The following MYO7A variants were observed in gnomAD, a reference collection of about 807,000 sequenced individuals.
The protein encoded by MYO7A is myosin VIIA.
MYO7A carries 210 observed loss-of-function variants against 263.8 expected under a neutral mutation model. That is an observed-to-expected ratio of 0.80 (90% CI 0.71 to 0.89). MYO7A has a LOEUF of 0.89. Ranked by LOEUF, MYO7A falls within the 40% of genes least tolerant of loss-of-function variation. The pLI, the probability that MYO7A is intolerant of heterozygous loss-of-function variation, is 0.00. For missense variants in MYO7A, 2,820 were observed against 2,968.3 expected, an observed-to-expected ratio of 0.95 and a Z score of 1.16; for synonymous variants, 1,239 against 1,197.3, an observed-to-expected ratio of 1.03 and a Z score of -0.72.
chr11:77,146,016 G>T (rs1014283565), intron 3 of MYO7A, among the ~76,000 whole-genome samples: 10 of 152,228 alleles, frequency 6.6e-5, no homozygotes, highest in African/African-American at 2.4e-4. Context: ...CCCGGCCCCT[G>T]TGTGAGGCAC....
intron 30 of MYO7A, 77 bp downstream of exon 30, chr11:77,190,947 A>G (rs2135564997): frequency 1.4e-6 from 2 of 1,426,670 alleles, no homozygotes; most frequent in South Asian, 1.4e-5. Context: ...GCTGCCACCT[A>G]CTTGCCGGGG....
intron 4 of MYO7A, among the ~76,000 whole-genome samples, chr11:77,148,190 G>A (rs1425196250): frequency 6.6e-6 from 1 of 152,216 alleles, no homozygotes; most frequent in Admixed American, 6.5e-5. Flanking sequence ...GGTGGGGAGC[G>A]GTTTGTACTA....
Position 77,168,274 on chromosome 11 carries a change from G to A in MYO7A, c.1797+2112G>A, listed in dbSNP as rs545561753. ...TAGAACCCACTTACTGAGAAATCAT[G>A]GAGAGGTCAAAGTGCAGGAGCCCAG... On this transcript the variant is annotated intron_variant, in intron 15 of 48. Coordinates refer to ENST00000409709, the MANE Select transcript of MYO7A (RefSeq NM_000260.4). 3.3e-5 allele frequency among the ~76,000 whole-genome samples: 5 copies of A among 152,304 alleles called. 1 individual carries two copies. The highest frequency in any genetic ancestry group is 3.3e-4 in the Admixed American group (5 of 15,298).
chr11:77,158,074 A>G (rs1043340491), intron 8 of MYO7A, among the ~76,000 whole-genome samples: 1 of 152,102 alleles, frequency 6.6e-6, no homozygotes, highest in Non-Finnish European at 1.5e-5. Context: ...GTGGAGAATG[A>G]GTTCCTGGGA....
rs541066953 is a variant in MYO7A at position 77,192,042 on chromosome 11, T to C, written c.3925-9T>C. 6.2e-7 allele frequency: 1 copy of C among 1,610,230 alleles called. No individual in the cohort carries two copies. Among genetic ancestry groups the C allele is most frequent in the East Asian group, 2.2e-5 (1 of 44,808 alleles). ...TCTGTGCCTGCTCCCCTCCCCTCTG[T>C]GCCCACAGGTGTCCTCCCTGGGCAG... On this transcript the variant is annotated splice_polypyrimidine_tract_variant and intron_variant, in intron 30 of 48. Transcript: ENST00000409709.
At position 77,204,186 on chromosome 11, in the gene MYO7A, G is replaced by A. The variant is rs1314133712; in HGVS notation, c.5437G>A (p.Ala1813Thr). The A allele has an allele frequency of 1.3e-6, 2 of 1,585,000 alleles. No homozygotes were observed. Among genetic ancestry groups the A allele is most frequent in the Non-Finnish European group, 1.7e-6 (2 of 1,166,018 alleles). ...PLKAEPLKDE[A>T]YVQILKQLTD... Reference sequence around the variant, plus strand: ...GAAAGCCGAGCCCCTGAAGGACGAGGCATATGTGCAGATCCTGAAGCAGCT... The same window carrying A: ...GAAAGCCGAGCCCCTGAAGGACGAGACATATGTGCAGATCCTGAAGCAGCT... The change falls in exon 39 of 49, where the codon GCA (alanine) becomes ACA (threonine). Residue 1813 changes from alanine to threonine, a missense_variant. Ala to Thr is a moderately conservative substitution (Grantham distance 58). Coordinates refer to ENST00000409709, the MANE Select transcript of MYO7A (RefSeq NM_000260.4).
chr11:77,191,339 A>G (rs1956053924), intron 30 of MYO7A, among the ~76,000 whole-genome samples: 1 of 152,064 alleles, frequency 6.6e-6, no homozygotes, highest in Non-Finnish European at 1.5e-5. Flanking sequence ...AACAAACAAA[A>G]AACTGCTGAG....
At chr11:77,130,543 C>T in intron 1 of MYO7A, 46 bp from the exon 2 acceptor site, 1 of 1,502,122 alleles carries the variant, frequency 6.7e-7, no homozygotes, top group South Asian at 1.2e-5. Context: ...TCAAGGCTTC[C>T]AGGGCTGGCC....
Position 77,162,866 on chromosome 11 carries a change from C to G in MYO7A, c.1568C>G (p.Thr523Ser). Reference protein sequence around the residue: ...ESKFPKGTDTTMLHKLNSQHK... With the variant: ...ESKFPKGTDTSMLHKLNSQHK... ...TCCACTCCCCAGGGCACAGACACCA[C>G]CATGTTACACAAGCTGAACTCCCAG... Residue 523 changes from threonine (T) to serine (S), a missense_variant, in exon 14 of 49, where the codon ACC (threonine) becomes AGC (serine). Physicochemically the swap from Thr to Ser is moderately conservative, Grantham distance 58 (BLOSUM62 1). Transcript: ENST00000409709. 1 of 1,613,788 alleles carries G rather than the reference C, an allele frequency of 6.2e-7. No homozygotes were observed. Among genetic ancestry groups the G allele is most frequent in the Non-Finnish European group, 8.5e-7 (1 of 1,179,822 alleles).
intron 36 of MYO7A, 86 bp downstream of exon 36, chr11:77,201,724 G>C (rs542302733): frequency 7.3e-7 from 1 of 1,375,044 alleles, no homozygotes; most frequent in African/African-American, 1.4e-5. Flanking sequence ...ATAGGTTAAC[G>C]GTCTAGTGCA....
intron 2 of MYO7A, among the ~76,000 whole-genome samples, chr11:77,140,806 C>T (rs868931241): frequency 6.6e-6 from 1 of 152,180 alleles, no homozygotes; most frequent in East Asian, 1.9e-4. Flanking sequence ...TCTTCCACGC[C>T]CAAGCCTCTC....
At chr11:77,177,520 G>A (rs1555080657) in intron 18 of MYO7A, 29 bp from the exon 19 acceptor site, 2 of 1,571,232 alleles carry the variant, frequency 1.3e-6, no homozygotes, top group South Asian at 1.2e-5. Flanking sequence ...AGACCTTGTG[G>A]GGCGCTGCTC....
chr11:77,199,087 C>A (rs1037146593), intron 34 of MYO7A, among the ~76,000 whole-genome samples: 1 of 152,168 alleles, frequency 6.6e-6, no homozygotes, highest in Non-Finnish European at 1.5e-5. Context: ...CCCAGCAGTG[C>A]AGTGGCTCCC....
chr11:77,213,041 C>A lies in MYO7A; in HGVS notation c.6438+6C>A. Reference sequence around the variant, plus strand: ...TCATCGATCCCAAAACGAAGGTGAGCAGGGATAAGGCAGCAAGTGGGGGCG... The same window carrying A: ...TCATCGATCCCAAAACGAAGGTGAGAAGGGATAAGGCAGCAAGTGGGGGCG... On this transcript the variant is annotated splice_donor_region_variant and intron_variant, in intron 47 of 48. Coordinates refer to ENST00000409709, the MANE Select transcript of MYO7A (RefSeq NM_000260.4). The A allele has an allele frequency of 6.4e-7, 1 of 1,566,760 alleles. No homozygotes were observed. The highest frequency in any genetic ancestry group is 2.4e-5 in the East Asian group (1 of 42,398).
At position 77,190,829 on chromosome 11, in the gene MYO7A, G is replaced by T; in HGVS notation, c.3883G>T (p.Asp1295Tyr). ...NALADKISLK[D>Y]RFGFSLYIAL... is the part of the protein sequence containing the mutation. ...GCTGGCCGACAAGATCTCTCTCAAGGACCGGTTCGGGTTCTCCCTCTACAT... is the reference window on the plus strand; with the variant it reads ...GCTGGCCGACAAGATCTCTCTCAAGTACCGGTTCGGGTTCTCCCTCTACAT... Residue 1295 changes from aspartate (D) to tyrosine (Y), a missense_variant, in exon 30 of 49, where the codon GAC (aspartate) becomes TAC (tyrosine). By Grantham distance (160) the Asp-to-Tyr change is radical. Transcript: ENST00000409709. 1 of 1,588,284 alleles carries T rather than the reference G, an allele frequency of 6.3e-7. No individual in the cohort carries two copies. The highest frequency in any genetic ancestry group is 8.6e-7 in the Non-Finnish European group (1 of 1,167,782).
At chr11:77,193,646 G>C (rs901441241) in intron 31 of MYO7A, among the ~76,000 whole-genome samples, 9 of 152,026 alleles carry the variant, frequency 5.9e-5, no homozygotes, top group Admixed American at 5.2e-4. Flanking sequence ...AGCCACATCA[G>C]TTGCTAAAAT....
intron 20 of MYO7A, 135 bp from the exon 21 acceptor site, chr11:77,179,600 T>C (rs1379168708): frequency 2.2e-5 from 16 of 717,860 alleles, no homozygotes; most frequent in Non-Finnish European, 3.6e-5. Context: ...GGGGCACTAA[T>C]CTGAGAGGAG....
Position 77,182,093 on chromosome 11 carries a change from C to T in MYO7A, c.3047C>T (p.Ser1016Phe), listed in dbSNP as rs1396892515. 6.2e-7 allele frequency: 1 copy of T among 1,613,280 alleles called. No individual in the cohort carries two copies. Among genetic ancestry groups the T allele is most frequent in the African/African-American group, 1.3e-5 (1 of 74,908 alleles). Reference protein sequence around the residue: ...ATYFQGTTTHSYTRRPLKQPL... With the variant: ...ATYFQGTTTHFYTRRPLKQPL... ...TACTTCCAGGGGACAACCACGCACTCCTACACCCGGCGGCCACTCAAACAG... is the reference window on the plus strand; with the variant it reads ...TACTTCCAGGGGACAACCACGCACTTCTACACCCGGCGGCCACTCAAACAG... The change falls in exon 24 of 49, where the codon TCC becomes TTC. Residue 1016 changes from serine (S) to phenylalanine (F), a missense_variant. Transcript: ENST00000409709.
At chr11:77,129,969 G>GGGCCCGGGCCCA (rs1217594943) in intron 1 of MYO7A, among the ~76,000 whole-genome samples, 3 of 151,912 alleles carry the variant, frequency 2.0e-5, no homozygotes, top group Non-Finnish European at 4.4e-5. Context: ...CTAGCGGGGC[G>GGGCCCGGGCCCA]GGCCCGGGCC....
Sources: allele counts gnomAD v4.1 joint callset (sites outside exome capture counted in the v4.1 genomes callset), GRCh38; gene constraint gnomAD v4.1.1; transcripts MANE v1.5; gene names NCBI Gene and HGNC (gene_info 2026-07-23, HGNC 2026-07-21).